The following ALK variants were observed in gnomAD, a reference collection of about 807,000 sequenced individuals.
ALK encodes the protein ALK receptor tyrosine kinase, also known as ALK tyrosine kinase receptor.
Under a neutral mutation model 163.1 loss-of-function variants are expected in ALK, and 74 were observed. The ratio of observed to expected loss-of-function variants is 0.45; its 90% confidence interval spans 0.38 to 0.55. ALK has a LOEUF of 0.55. Among genes scored for constraint, ALK ranks in the 20% least tolerant of loss-of-function variants. The pLI, the probability that ALK is intolerant of heterozygous loss-of-function variation, is 0.00. For synonymous variants in ALK, 960 were observed against 843.2 expected (o/e 1.14, Z -2.40); for missense variants, 2,063 against 2,105.3 (o/e 0.98, Z 0.39).
intron 1 of ALK, among the ~76,000 whole-genome samples, chr2:29,731,158 A>T (rs1438787898): frequency 6.6e-6 from 1 of 152,214 alleles, no homozygotes; most frequent in East Asian, 1.9e-4. Flanking sequence ...CTTGGCTCCT[A>T]TCTCTACTCT....
intron 5 of ALK, among the ~76,000 whole-genome samples, chr2:29,330,615 C>T (rs113353958): frequency 4.9e-4 from 74 of 152,240 alleles, no homozygotes; most frequent in African/African-American, 1.7e-3. Context: ...CCCTGGGGCC[C>T]GTGAAAATGT....
chr2:29,834,051 A>C (rs1665493410), intron 1 of ALK, among the ~76,000 whole-genome samples: 2 of 152,350 alleles, frequency 1.3e-5, no homozygotes, highest in South Asian at 4.1e-4. Context: ...ATACGAAAGC[A>C]CTTTGTAAAC....
intron 4 of ALK, among the ~76,000 whole-genome samples, chr2:29,475,779 C>G (rs1362699882): frequency 1.3e-5 from 2 of 152,152 alleles, no homozygotes; most frequent in Non-Finnish European, 1.5e-5. Flanking sequence ...GCTGAGGCCC[C>G]GATAAAGGCT....
intron 1 of ALK, among the ~76,000 whole-genome samples, chr2:29,847,556 A>T (rs1665878919): frequency 6.6e-6 from 1 of 152,164 alleles, no homozygotes; most frequent in Non-Finnish European, 1.5e-5. Context: ...TTCATTTTTC[A>T]CTAAAGCCTA....
intron 1 of ALK, among the ~76,000 whole-genome samples, chr2:29,913,962 C>T (rs1351941284): frequency 6.7e-6 from 1 of 149,958 alleles, no homozygotes; most frequent in African/African-American, 2.5e-5. Flanking sequence ...CTGGACAGAG[C>T]ACTCTCAGTT....
intron 3 of ALK, among the ~76,000 whole-genome samples, chr2:29,692,967 C>G (rs371500322): frequency 6.6e-6 from 1 of 152,050 alleles, no homozygotes; most frequent in Non-Finnish European, 1.5e-5. Context: ...CAATTTAATC[C>G]CATTTATATA....
chr2:29,897,076 T>C (rs1667290493), intron 1 of ALK, among the ~76,000 whole-genome samples: 2 of 152,126 alleles, frequency 1.3e-5, no homozygotes, highest in East Asian at 1.9e-4. Context: ...TCCCAACACT[T>C]TGGGAGGCTG....
At chr2:29,352,619 G>A (rs767520231) in intron 5 of ALK, among the ~76,000 whole-genome samples, 22 of 152,228 alleles carry the variant, frequency 1.4e-4, no homozygotes, top group African/African-American at 2.2e-4. Context: ...ATATTGTGAC[G>A]TTGACCGATC....
chr2:29,292,514 G>A (rs1369234676), intron 9 of ALK, among the ~76,000 whole-genome samples: 3 of 152,198 alleles, frequency 2.0e-5, no homozygotes, highest in African/African-American at 4.8e-5. Flanking sequence ...AATTGAATGA[G>A]GGAGGTGGGG....
intron 12 of ALK, 94 bp downstream of exon 12, chr2:29,251,011 C>G: frequency 7.4e-7 from 1 of 1,360,262 alleles, no homozygotes; most frequent in Non-Finnish European, 1.0e-6. Flanking sequence ...CCTTGACATG[C>G]CTGGGCACCC....
intron 3 of ALK, among the ~76,000 whole-genome samples, chr2:29,672,224 G>A (rs1388917406): frequency 2.0e-5 from 3 of 149,396 alleles, no homozygotes; most frequent in African/African-American, 7.4e-5. Context: ...TGTGCACATT[G>A]TGCAGGTTAG....
chr2:29,920,651 G>C lies in ALK; in HGVS notation c.9C>G (p.Ala3=). ...GCGGCAGGAGCCACAGGAGCCCGAT[G>C]GCTCCCATCCCGCCGGAGGAGGCCG... is the stretch of plus-strand genomic sequence containing the variant. MG[A]IGLLWLLPLL... is the part of the protein sequence containing the mutation. The change falls in exon 1 of 29, where the codon GCC becomes GCG. Residue 3 remains alanine, a synonymous_variant. Coordinates refer to ENST00000389048, the MANE Select transcript of ALK (RefSeq NM_004304.5). The C allele has an allele frequency of 6.5e-7, 1 of 1,537,074 alleles. No homozygotes were observed. Among genetic ancestry groups the C allele is most frequent in the Non-Finnish European group, 8.7e-7 (1 of 1,148,676 alleles).
At chr2:29,264,320 A>G (rs1665159404) in intron 11 of ALK, among the ~76,000 whole-genome samples, 1 of 152,246 alleles carries the variant, frequency 6.6e-6, no homozygotes, top group South Asian at 2.1e-4. Flanking sequence ...AGTAGCCAGT[A>G]GCATTTTCCT....
rs2148137650 is a variant in ALK, at chr2:29,193,443, C to A, written c.4644G>T (p.Gly1548=). The change falls in exon 29 of 29, where the codon GGG becomes GGT. Residue 1548 remains glycine, a synonymous_variant. Coordinates refer to ENST00000389048, the MANE Select transcript of ALK (RefSeq NM_004304.5). Reference sequence around the variant, plus strand: ...GGAGCAGTGAGGCCCCCGGAAGTCTCCCAGTTGCAACGTTAGGTGGGACAG... The same window carrying A: ...GGAGCAGTGAGGCCCCCGGAAGTCTACCAGTTGCAACGTTAGGTGGGACAG... The part of the protein sequence containing the change: ...SCTVPPNVAT[G]RLPGASLLLE... 1 of 1,614,202 alleles carries A rather than the reference C, an allele frequency of 6.2e-7. No homozygotes were observed. The highest frequency in any genetic ancestry group is 8.5e-7 in the Non-Finnish European group (1 of 1,180,038).
At chr2:29,669,335 T>C (rs1314688964) in intron 3 of ALK, among the ~76,000 whole-genome samples, 1 of 152,080 alleles carries the variant, frequency 6.6e-6, no homozygotes, top group African/African-American at 2.4e-5. Flanking sequence ...ATTTGACCCC[T>C]TTACTTTATA....
rs1289145413 is a variant in ALK at position 29,692,142 on chromosome 2, T to G, written c.952+2708A>C. Among the ~76,000 whole-genome samples, 3 of 152,136 alleles carry G rather than the reference T, an allele frequency of 2.0e-5. No individual in the cohort carries two copies. The South Asian group carries it at 6.2e-4, about 32-fold the overall frequency. ...TATGAAAAATGAAATAAAACAGATT[T>G]CTATGAAAATTGAAGCTGCAATGGG... is the stretch of plus-strand genomic sequence containing the variant. On this transcript the variant is annotated intron_variant, in intron 3 of 28. Coordinates refer to ENST00000389048, the MANE Select transcript of ALK (RefSeq NM_004304.5).
intron 1 of ALK, among the ~76,000 whole-genome samples, chr2:29,804,959 G>A (rs980434905): frequency 4.5e-4 from 69 of 152,024 alleles, no homozygotes; most frequent in African/African-American, 1.3e-3. Context: ...CCCCTTTCCC[G>A]GGCCTGAGGA....
chr2:29,601,295 G>A (rs1473621783), intron 3 of ALK, among the ~76,000 whole-genome samples: 2 of 152,194 alleles, frequency 1.3e-5, no homozygotes, highest in African/African-American at 2.4e-5. Flanking sequence ...TTGGGCACGA[G>A]TTCTAGCTCC....
intron 3 of ALK, among the ~76,000 whole-genome samples, chr2:29,652,024 A>G (rs1053470409): frequency 6.6e-6 from 1 of 152,142 alleles, no homozygotes. Context: ...ATTTTTAAAA[A>G]AATGATACTT....
Sources: allele counts gnomAD v4.1 joint callset (sites outside exome capture counted in the v4.1 genomes callset), GRCh38; gene constraint gnomAD v4.1.1; transcripts MANE v1.5; gene names NCBI Gene and HGNC (gene_info 2026-07-23, HGNC 2026-07-21).